The following KIAA0319L variants were observed in gnomAD, a reference collection of about 807,000 sequenced individuals.
KIAA0319L encodes KIAA0319 like.
Under a neutral mutation model 120.1 loss-of-function variants are expected in KIAA0319L, and 55 were observed. The observed-to-expected ratio is 0.46, with a 90% confidence interval of 0.37 to 0.57. The LOEUF (loss-of-function observed/expected upper bound fraction) is 0.57, where lower values mean the gene tolerates loss of function less well. Among genes scored for constraint, KIAA0319L ranks in the 20% least tolerant of loss-of-function variants. KIAA0319L has a pLI of 0.00. For synonymous variants in KIAA0319L, 398 were observed against 471.9 expected, an observed-to-expected ratio of 0.84 and a Z score of 2.03; for missense variants, 1,049 against 1,255.3, an observed-to-expected ratio of 0.84 and a Z score of 2.48.
chr1:35,463,047 A>G (rs1393494581), intron 7 of KIAA0319L, among the ~76,000 whole-genome samples: 1 of 152,190 alleles, frequency 6.6e-6, no homozygotes, highest in East Asian at 1.9e-4. Flanking sequence ...CTGATCTGAC[A>G]GGAGGCAGAG....
intron 2 of KIAA0319L, among the ~76,000 whole-genome samples, chr1:35,526,977 C>A (rs1646172818): frequency 6.6e-6 from 1 of 152,176 alleles, no homozygotes; most frequent in Admixed American, 6.5e-5. Context: ...ACTCAGCAGG[C>A]TGAGGTGGGA....
intron 3 of KIAA0319L, among the ~76,000 whole-genome samples, chr1:35,479,966 A>AAAAAAAAAAAAAAC (rs1644090904): frequency 1.2e-4 from 16 of 130,766 alleles, no homozygotes; most frequent in African/African-American, 3.3e-4. Context: ...AAAAAAAAAA[A>AAAAAAAAAAAAAAC]AAAAAACACA....
chr1:35,538,701 A>C (rs1646678322), intron 2 of KIAA0319L, among the ~76,000 whole-genome samples: 1 of 152,124 alleles, frequency 6.6e-6, no homozygotes, highest in Non-Finnish European at 1.5e-5. Context: ...GGAGAATGTA[A>C]TCTAAGTCAA....
intron 2 of KIAA0319L, among the ~76,000 whole-genome samples, chr1:35,508,209 G>A (rs1244386731): frequency 1.3e-5 from 2 of 152,172 alleles, no homozygotes; most frequent in Non-Finnish European, 1.5e-5. Context: ...TTCATAGTGA[G>A]TGTCTCTTTA....
At chr1:35,547,433 T>C (rs1040748343) in intron 2 of KIAA0319L, among the ~76,000 whole-genome samples, 1 of 151,900 alleles carries the variant, frequency 6.6e-6, no homozygotes, top group Non-Finnish European at 1.5e-5. Context: ...CAAAAATGTA[T>C]ACATAAATGT....
chr1:35,548,592 G>A (rs921191793), intron 2 of KIAA0319L, among the ~76,000 whole-genome samples: 2 of 151,964 alleles, frequency 1.3e-5, no homozygotes, highest in Non-Finnish European at 2.9e-5. Flanking sequence ...TAAGACATTA[G>A]TATAAAATTA....
intron 2 of KIAA0319L, 66 bp downstream of exon 2, chr1:35,554,284 T>C (rs1182913211): frequency 1.9e-5 from 24 of 1,238,378 alleles, no homozygotes; most frequent in Non-Finnish European, 2.4e-5. Flanking sequence ...TAAAATGAAC[T>C]GAGGGACTCA....
At chr1:35,476,057 T>A (rs891844859) in intron 4 of KIAA0319L, among the ~76,000 whole-genome samples, 10 of 152,378 alleles carry the variant, frequency 6.6e-5, no homozygotes, top group African/African-American at 2.4e-4. Flanking sequence ...CAGTTCAAAC[T>A]GATCTAATCT....
chr1:35,526,364 TATAC>T lies in KIAA0319L; in HGVS notation c.143-19233_143-19230del, dbSNP rs1169777069. On this transcript the variant is annotated intron_variant, in intron 2 of 20. Coordinates refer to ENST00000325722, the MANE Select transcript of KIAA0319L (RefSeq NM_024874.5). ...ATATGTACGTGTGTGTGTGTATATA[TATAC>T]ATACATATATATATACATACATATA... Among the ~76,000 whole-genome samples, 10 of 142,136 alleles carry T rather than the reference TATAC, an allele frequency of 7.0e-5. No homozygotes were observed. In the East Asian group the frequency reaches 2.1e-3, roughly 30 times the overall value. 93.2% of individuals were successfully genotyped at this position (142,136 alleles called of 152,430 possible). A position where few individuals can be genotyped will look rare whatever the true frequency, so the allele number is the denominator to read the frequency against.
At chr1:35,451,834 A>G in intron 12 of KIAA0319L, 58 bp from the exon 13 acceptor site, 1 of 1,562,842 alleles carries the variant, frequency 6.4e-7, no homozygotes, top group Non-Finnish European at 8.7e-7. Context: ...TCCTGTCCCT[A>G]ACTTAGCAGG....
At position 35,507,091 on chromosome 1, in the gene KIAA0319L, C is replaced by A; in HGVS notation, c.187G>T (p.Val63Phe). The A allele has an allele frequency of 6.5e-7, 1 of 1,546,306 alleles. No individual in the cohort carries two copies. Among genetic ancestry groups the A allele is most frequent in the Non-Finnish European group, 8.7e-7 (1 of 1,148,752 alleles). Residue 63 changes from valine (V) to phenylalanine (F), a missense_variant, in exon 3 of 21, where the codon GTT (valine) becomes TTT (phenylalanine). Physicochemically the swap from Val to Phe is conservative, Grantham distance 50. Coordinates refer to ENST00000325722, the MANE Select transcript of KIAA0319L (RefSeq NM_024874.5). ...TTTTCTCCCCCAGATCTCAGGCCAA[C>A]TCCAAATTGTGTCTTCCCCTGCTGG... Reference protein sequence around the residue: ...RCQQGKTQFGVGLRSGGENHL... With the variant: ...RCQQGKTQFGFGLRSGGENHL...
chr1:35,454,892 A>G (rs1316787693), intron 10 of KIAA0319L, among the ~76,000 whole-genome samples: 3 of 152,230 alleles, frequency 2.0e-5, no homozygotes, highest in Admixed American at 6.5e-5. Flanking sequence ...AGTGCTCCTA[A>G]CAAAGCTGTC....
At chr1:35,438,066 A>G (rs1054175526) in intron 20 of KIAA0319L, among the ~76,000 whole-genome samples, 1 of 152,104 alleles carries the variant, frequency 6.6e-6, no homozygotes, top group African/African-American at 2.4e-5. Flanking sequence ...CTCCCCTTCA[A>G]TTATTATATG....
At chr1:35,486,626 T>C (rs148738401) in intron 3 of KIAA0319L, among the ~76,000 whole-genome samples, 85 of 149,682 alleles carry the variant, frequency 5.7e-4, no homozygotes, top group Non-Finnish European at 1.0e-3. Flanking sequence ...TCTGGCCCGA[T>C]ACAGTAGCTC....
At chr1:35,490,023 C>T (rs1018617708) in intron 3 of KIAA0319L, among the ~76,000 whole-genome samples, 4 of 152,088 alleles carry the variant, frequency 2.6e-5, no homozygotes, top group Non-Finnish European at 5.9e-5. Context: ...TGCCATGACG[C>T]GATCTTGGCT....
intron 3 of KIAA0319L, among the ~76,000 whole-genome samples, chr1:35,504,552 C>T (rs1322525743): frequency 6.6e-6 from 1 of 152,162 alleles, no homozygotes; most frequent in East Asian, 1.9e-4. Flanking sequence ...ATATGACATA[C>T]ATAATATGTG....
chr1:35,486,386 A>G (rs1051013064), intron 3 of KIAA0319L, among the ~76,000 whole-genome samples: 1 of 151,400 alleles, frequency 6.6e-6, no homozygotes, highest in Admixed American at 6.6e-5. Flanking sequence ...GAAAAAAAAA[A>G]AAAAAAAAAA....
At position 35,451,750 on chromosome 1, in the gene KIAA0319L, T is replaced by C. The variant is rs781276509; in HGVS notation, c.1940A>G (p.Asn647Ser). ...CACAGTAGCAACACTGCTGTTAGCATTCTCGAGCTGCACCCCATCAGGTCC... is the reference window on the plus strand; with the variant it reads ...CACAGTAGCAACACTGCTGTTAGCACTCTCGAGCTGCACCCCATCAGGTCC... Reference protein sequence around the residue: ...TQGPDGVQLENANSSVATVTG... With the variant: ...TQGPDGVQLESANSSVATVTG... The change falls in exon 13 of 21, where the codon AAT becomes AGT. Residue 647 changes from asparagine (N) to serine (S), a missense_variant. Transcript: ENST00000325722. 5.0e-6 allele frequency: 8 copies of C among 1,613,984 alleles called. No homozygotes were observed. The highest frequency in any genetic ancestry group is 5.9e-6 in the Non-Finnish European group (7 of 1,180,008).
At chr1:35,522,784 G>A (rs759705859) in intron 2 of KIAA0319L, among the ~76,000 whole-genome samples, 5 of 151,596 alleles carry the variant, frequency 3.3e-5, no homozygotes, top group Non-Finnish European at 7.4e-5. Flanking sequence ...TTGGGAGGCC[G>A]AGGTGGGTGG....
Sources: gnomAD v4.1 joint callset for allele counts (sites outside exome capture counted in the v4.1 genomes callset) on GRCh38, gnomAD v4.1.1 for gene constraint, MANE v1.5 for transcripts, NCBI Gene and HGNC (gene_info 2026-07-23, HGNC 2026-07-21) for gene names.